The following STXBP6 variants were observed in gnomAD, a reference collection of about 807,000 sequenced individuals.
The protein encoded by STXBP6 is syntaxin-binding protein 6.
Under a neutral mutation model 26.9 loss-of-function variants are expected in STXBP6, and 21 were observed. The observed-to-expected ratio is 0.78, with a 90% CI of 0.55 to 1.12. The LOEUF is 1.12. Ranked by LOEUF, STXBP6 falls within the 50% of genes most tolerant of loss-of-function variation. The pLI is 0.00. For missense variants in STXBP6, 232 were observed against 257.9 expected (o/e 0.90, Z 0.69); for synonymous variants, 97 against 92.6 (o/e 1.05, Z -0.27).
At chr14:24,863,225 T>A (rs1221588724) in intron 2 of STXBP6, among the ~76,000 whole-genome samples, 1 of 152,164 alleles carries the variant, frequency 6.6e-6, no homozygotes, top group Non-Finnish European at 1.5e-5. Context: ...ACGATATGGT[T>A]TTATTATAAT....
At position 24,902,307 on chromosome 14, in the gene STXBP6, A is replaced by AT. The variant is rs543772243; in HGVS notation, c.155-45151dup. ...AACTCCATGCCTGAACTAAATTAAA[A>AT]TGCTGTAGTAATATTTGCCATAGAC... On this transcript the variant is annotated intron_variant, in intron 2 of 5. Transcript: ENST00000323944. Among the ~76,000 whole-genome samples, 124 of 152,260 alleles carry AT rather than the reference A, an allele frequency of 8.1e-4. 1 individual carries two copies. Among genetic ancestry groups the AT allele is most frequent in the African/African-American group, 2.9e-3 (122 of 41,556 alleles).
chr14:24,945,358 G>A (rs1251112830), intron 2 of STXBP6, among the ~76,000 whole-genome samples: 1 of 151,596 alleles, frequency 6.6e-6, no homozygotes, highest in Non-Finnish European at 1.5e-5. Context: ...TTGAGGCCAA[G>A]AGTTCAAGAC....
chr14:24,818,965 GAAAT>G (rs2138735084), intron 5 of STXBP6, 68 bp downstream of exon 5: 1 of 1,491,858 alleles, frequency 6.7e-7, no homozygotes, highest in African/African-American at 1.4e-5. Context: ...GGAAAATACT[GAAAT>G]AAAGTTTCTT....
At chr14:25,018,745 C>A (rs2075206481) in intron 1 of STXBP6, among the ~76,000 whole-genome samples, 1 of 152,232 alleles carries the variant, frequency 6.6e-6, no homozygotes, top group South Asian at 2.1e-4. Flanking sequence ...ACTGTAGATG[C>A]TGAAGTCTGT....
chr14:24,956,964 G>A (rs137935616), intron 2 of STXBP6, among the ~76,000 whole-genome samples: 243 of 152,176 alleles, frequency 1.6e-3, no homozygotes, highest in Middle Eastern at 6.8e-3. Flanking sequence ...CCCTGAAGAC[G>A]GAGTCACATT....
intron 2 of STXBP6, among the ~76,000 whole-genome samples, chr14:24,863,362 G>A (rs1263194334): frequency 2.6e-5 from 4 of 152,142 alleles, no homozygotes; most frequent in Non-Finnish European, 5.9e-5. Context: ...TCAGGTGGCT[G>A]CTTCTTTGAT....
intron 2 of STXBP6, among the ~76,000 whole-genome samples, chr14:24,916,231 G>A (rs973316919): frequency 1.3e-5 from 2 of 151,986 alleles, no homozygotes; most frequent in Admixed American, 1.3e-4. Flanking sequence ...AATGTAACTG[G>A]GCTTAAAGAA....
intron 2 of STXBP6, chr14:24,878,743 T>G (rs1566437269): frequency 2.2e-6 from 1 of 447,088 alleles, no homozygotes; most frequent in Non-Finnish European, 4.5e-6. Context: ...ATAACACACG[T>G]TTCATCCTCA....
At chr14:25,033,325 C>G (rs1201741919) in intron 1 of STXBP6, among the ~76,000 whole-genome samples, 1 of 152,188 alleles carries the variant, frequency 6.6e-6, no homozygotes, top group Non-Finnish European at 1.5e-5. Context: ...CCACCCTGGT[C>G]AGACTATCAT....
chr14:24,980,444 A>G (rs941937254), intron 1 of STXBP6, among the ~76,000 whole-genome samples: 1 of 152,234 alleles, frequency 6.6e-6, no homozygotes, highest in Non-Finnish European at 1.5e-5. Flanking sequence ...ATTTTAGTCC[A>G]CCAACCAGTT....
chr14:25,039,490 A>T lies in STXBP6; in HGVS notation c.-33+10388T>A, dbSNP rs915267114. On this transcript the variant is annotated intron_variant, in intron 1 of 5. Transcript: ENST00000323944. Reference sequence around the variant, plus strand: ...TGTATAAATTGCAGTTTCTTGGTGCATATCTCTCTGGATATCTTATGTCTC... The same window carrying T: ...TGTATAAATTGCAGTTTCTTGGTGCTTATCTCTCTGGATATCTTATGTCTC... Among the ~76,000 whole-genome samples the T allele has an allele frequency of 2.6e-5, 4 of 152,170 alleles. 1 individual carries two copies. The highest frequency in any genetic ancestry group is 2.9e-5 in the Non-Finnish European group (2 of 68,026).
intron 2 of STXBP6, among the ~76,000 whole-genome samples, chr14:24,912,151 C>A (rs575389597): frequency 6.6e-6 from 1 of 152,082 alleles, no homozygotes; most frequent in Admixed American, 6.5e-5. Flanking sequence ...TTCTATGTAC[C>A]CAATCTGAAC....
intron 2 of STXBP6, among the ~76,000 whole-genome samples, chr14:24,916,592 T>C (rs1222405845): frequency 6.6e-6 from 1 of 151,722 alleles, no homozygotes; most frequent in Non-Finnish European, 1.5e-5. Flanking sequence ...GTGTGGGGAG[T>C]GTTTTGTTTT....
chr14:24,936,138 C>T (rs2072588571), intron 2 of STXBP6, among the ~76,000 whole-genome samples: 2 of 152,180 alleles, frequency 1.3e-5, no homozygotes, highest in African/African-American at 2.4e-5. Context: ...TGTGTTAGAT[C>T]AGAGTTAAAC....
rs374359781 is a variant in STXBP6, at chr14:25,000,256, G to T, written c.-32-25406C>A. Among the ~76,000 whole-genome samples, 110 of 151,980 alleles carry T rather than the reference G, an allele frequency of 7.2e-4. 1 individual carries two copies. The highest frequency in any genetic ancestry group is 3.3e-3 in the East Asian group (17 of 5,136). ...TTTTTTGTATTTTTAGTAGAGACGG[G>T]GTTTCACCATGTTAGCCAGGATGGT... On this transcript the variant is annotated intron_variant, in intron 1 of 5. Coordinates refer to ENST00000323944, the MANE Select transcript of STXBP6 (RefSeq NM_001394410.1).
At chr14:24,880,454 T>G (rs1236833346) in intron 2 of STXBP6, among the ~76,000 whole-genome samples, 1 of 152,076 alleles carries the variant, frequency 6.6e-6, no homozygotes, top group Non-Finnish European at 1.5e-5. Context: ...AGCCTCAACG[T>G]GCATAGAGAG....
chr14:24,956,710 A>G (rs1313478886), intron 2 of STXBP6, among the ~76,000 whole-genome samples: 1 of 139,076 alleles, frequency 7.2e-6, no homozygotes, highest in Admixed American at 7.0e-5. Flanking sequence ...ACCTCACACT[A>G]AGTAATGAGA....
intron 2 of STXBP6, among the ~76,000 whole-genome samples, chr14:24,892,750 G>C (rs557402068): frequency 6.6e-6 from 1 of 152,314 alleles, no homozygotes; most frequent in South Asian, 2.1e-4. Flanking sequence ...CTGGCCTGCA[G>C]ACCATGAGAG....
intron 2 of STXBP6, among the ~76,000 whole-genome samples, chr14:24,894,029 G>C (rs1481952464): frequency 6.6e-6 from 1 of 152,188 alleles, no homozygotes; most frequent in Non-Finnish European, 1.5e-5. Flanking sequence ...TGTTATACAG[G>C]TTCTATGGTA....
Sources: gnomAD v4.1 joint callset for allele counts (sites outside exome capture counted in the v4.1 genomes callset) on GRCh38, gnomAD v4.1.1 for gene constraint, MANE v1.5 for transcripts, NCBI Gene and HGNC (gene_info 2026-07-23, HGNC 2026-07-21) for gene names.